Variants in BCL2L14 observed in about 807,000 individuals in gnomAD.
BCL2L14 encodes BCL2 like 14, also known as apoptosis facilitator Bcl-2-like protein 14.
Under a neutral mutation model 35.3 loss-of-function variants are expected in BCL2L14, and 27 were observed. That is an observed-to-expected ratio of 0.76 (90% CI 0.56 to 1.05). The LOEUF (loss-of-function observed/expected upper bound fraction) is 1.05. Ranked by LOEUF, BCL2L14 falls within the 50% of genes least tolerant of loss-of-function variation. BCL2L14 has a pLI of 0.00. For synonymous variants in BCL2L14, 139 were observed against 145.9 expected (o/e 0.95, Z 0.34); for missense variants, 377 against 382.6 (o/e 0.99, Z 0.12).
At chr12:12,087,829 A>T (rs1338487628) in intron 3 of BCL2L14, among the ~76,000 whole-genome samples, 3 of 152,228 alleles carry the variant, frequency 2.0e-5, no homozygotes, top group Non-Finnish European at 4.4e-5. Context: ...CTATGGTGCA[A>T]GACATGGAGC....
intron 2 of BCL2L14, among the ~76,000 whole-genome samples, chr12:12,058,605 TGCCC>T (rs1466863086): frequency 1.3e-5 from 2 of 151,604 alleles, no homozygotes; most frequent in Non-Finnish European, 2.9e-5. Flanking sequence ...CCCCCACTCC[TGCCC>T]GCCAGAGAAC....
At chr12:12,074,469 A>G (rs2430606) in intron 1 of BCL2L14, among the ~76,000 whole-genome samples, 150,270 of 152,148 alleles carry the variant, frequency 0.99, 74,236 homozygotes, top group East Asian at 1. Flanking sequence ...TTTTTGAGAC[A>G]GAGTCTGACT....
At chr12:12,085,482 C>G (rs1263672253) in intron 2 of BCL2L14, among the ~76,000 whole-genome samples, 1 of 152,202 alleles carries the variant, frequency 6.6e-6, no homozygotes, top group African/African-American at 2.4e-5. Context: ...AGTGGAAAGT[C>G]TGTTTCGCTT....
intron 2 of BCL2L14, among the ~76,000 whole-genome samples, chr12:12,084,289 C>T (rs1371459415): frequency 6.6e-6 from 1 of 152,204 alleles, no homozygotes; most frequent in African/African-American, 2.4e-5. Context: ...TTTCTTGAAA[C>T]TGCCCCCAGC....
Position 12,087,321 on chromosome 12 carries a change from T to C in BCL2L14, c.542T>C (p.Phe181Ser), listed in dbSNP as rs1258667224. The C allele has an allele frequency of 6.2e-7, 1 of 1,614,222 alleles. No homozygotes were observed. Among genetic ancestry groups the C allele is most frequent in the South Asian group, 1.1e-5 (1 of 91,082 alleles). Reference protein sequence around the residue: ...QAGGFKSKEIFVTEGLSFQLQ... With the variant: ...QAGGFKSKEISVTEGLSFQLQ... ...GGAGGCTTCAAGTCCAAAGAGATTT[T>C]TGTAACTGAGGGTCTCTCCTTCCAG... Residue 181 changes from phenylalanine (F) to serine (S), a missense_variant, in exon 3 of 6, where the codon TTT becomes TCT. Coordinates refer to ENST00000308721, the MANE Select transcript of BCL2L14 (RefSeq NM_138723.2).
intron 2 of BCL2L14, among the ~76,000 whole-genome samples, chr12:12,056,994 AATCATGACTCT>A (rs1218701871): frequency 6.6e-6 from 1 of 152,198 alleles, no homozygotes; most frequent in Non-Finnish European, 1.5e-5. Context: ...TTAAGGGGAA[AATCATGACTCT>A]CACATGATAT....
intron 2 of BCL2L14, among the ~76,000 whole-genome samples, chr12:12,083,453 T>C (rs1948972290): frequency 6.6e-6 from 1 of 152,216 alleles, no homozygotes; most frequent in African/African-American, 2.4e-5. Context: ...GCTCTTTCAC[T>C]TGTGAATCTT....
chr12:12,099,309 A>T lies in BCL2L14; in HGVS notation c.*321A>T, dbSNP rs1395000019. 2 of 325,454 alleles carry T rather than the reference A, an allele frequency of 6.1e-6. No individual in the cohort carries two copies. The highest frequency in any genetic ancestry group is 4.3e-5 in the African/African-American group (2 of 46,184). 20.2% of individuals were successfully genotyped at this position (325,454 alleles called of 1,614,324 possible). ...CCTGCCTTTGTTAGCTGCTGTAGGG[A>T]AAGTGCGTTACAGATGTCTGCTGAC... On this transcript the variant is annotated 3_prime_UTR_variant, in exon 6 of 6. Transcript: ENST00000308721.
At position 12,087,267 on chromosome 12, in the gene BCL2L14, C is replaced by T; in HGVS notation, c.488C>T (p.Ser163Phe). The change falls in exon 3 of 6, where the codon TCC becomes TTC. Residue 163 changes from serine to phenylalanine, a missense_variant. By Grantham distance (155) the Ser-to-Phe change is radical. Transcript: ENST00000308721. ...AACCGAGTAGCTGAAATTGTTTACT[C>T]CTGGCCACCACCACAAGCGACCCAG... ...IANRVAEIVY[S>F]WPPPQATQAG... 1 of 1,614,176 alleles carries T rather than the reference C, an allele frequency of 6.2e-7. No individual in the cohort carries two copies. The highest frequency in any genetic ancestry group is 8.5e-7 in the Non-Finnish European group (1 of 1,180,026).
In BCL2L14 at chr12:12,094,758, AC is replaced by A; in HGVS notation, c.777del (p.Arg260GlyfsTer16). 1.9e-6 allele frequency: 3 copies of A among 1,614,102 alleles called. No individual in the cohort carries two copies. The highest frequency in any genetic ancestry group is 2.5e-6 in the Non-Finnish European group (3 of 1,180,024). On this transcript the variant is annotated frameshift_variant, in exon 5 of 6. Coordinates refer to ENST00000308721, the MANE Select transcript of BCL2L14 (RefSeq NM_138723.2). LOFTEE classifies it high-confidence loss of function. ...TITDQVLMGV[D>X]PRGESEVKAQ... ...ACAGACCAGGTCCTAATGGGTGTGG[AC>A]CCCAGGGGAGAATCAGAGGTCAAAG...
In BCL2L14 at chr12:12,061,005, T is replaced by G. The variant is rs373369564; in HGVS notation, c.-272+9158T>G. 1.5e-3 allele frequency among the ~76,000 whole-genome samples: 151 copies of G among 102,686 alleles called. 6 individuals are homozygous for G. Among genetic ancestry groups the G allele is most frequent in the African/African-American group, 4.5e-3 (116 of 25,896 alleles). 67.4% of individuals were successfully genotyped at this position (102,686 alleles called of 152,430 possible). On this transcript the variant is annotated intron_variant, in intron 2 of 3. Coordinates refer to the BCL2L14 transcript ENST00000461264. ...ATTACCTTCTTTTCAAGGGCCTGTT[T>G]CCCTTGCCTCCATAACTGTTGTGGG...
chr12:12,075,674 C>T (rs1258442520), intron 1 of BCL2L14, among the ~76,000 whole-genome samples: 1 of 149,034 alleles, frequency 6.7e-6, no homozygotes, highest in East Asian at 2.0e-4. Flanking sequence ...AACTACCCGC[C>T]TTGGCCTCCC....
At chr12:12,068,706 G>T (rs1216974625), upstream of BCL2L14, among the ~76,000 whole-genome samples, 8 of 152,014 alleles carry the variant, frequency 5.3e-5, no homozygotes, top group Non-Finnish European at 1.0e-4. Flanking sequence ...ATCACAGCGT[G>T]AATCCCAAAA....
intron 2 of BCL2L14, among the ~76,000 whole-genome samples, chr12:12,085,937 A>C (rs1437657697): frequency 6.6e-6 from 1 of 152,116 alleles, no homozygotes; most frequent in Non-Finnish European, 1.5e-5. Flanking sequence ...TGAATTACCT[A>C]ATGTTAGTCT....
At chr12:12,074,295 G>GGGCTCTCTA (rs1948733359) in intron 1 of BCL2L14, among the ~76,000 whole-genome samples, 1 of 152,080 alleles carries the variant, frequency 6.6e-6, no homozygotes, top group Non-Finnish European at 1.5e-5. Context: ...TAGAGAGCCC[G>GGGCTCTCTA]GATAGCTCAG....
At chr12:12,077,074 C>G (rs1948796666) in intron 1 of BCL2L14, among the ~76,000 whole-genome samples, 1 of 152,154 alleles carries the variant, frequency 6.6e-6, no homozygotes, top group African/African-American at 2.4e-5. Context: ...TGTCCCATTT[C>G]TTTATCATTT....
intron 2 of BCL2L14, among the ~76,000 whole-genome samples, chr12:12,058,211 C>A (rs1948462153): frequency 6.6e-6 from 1 of 150,644 alleles, no homozygotes; most frequent in South Asian, 2.1e-4. Flanking sequence ...CTCGGCCTCC[C>A]AAAGTGCTGG....
Position 12,087,312 on chromosome 12 carries a change from AAG to A in BCL2L14, c.537_538del (p.Glu179AspfsTer5), listed in dbSNP as rs1431821991. 6.2e-7 allele frequency: 1 copy of A among 1,614,082 alleles called. No individual in the cohort carries two copies. The highest frequency in any genetic ancestry group is 8.5e-7 in the Non-Finnish European group (1 of 1,180,028). The stretch of plus-strand genomic sequence containing the variant: ...ACCCAGGCAGGAGGCTTCAAGTCCA[AAG>A]AGATTTTTGTAACTGAGGGTCTCTC... On this transcript the variant is annotated frameshift_variant, in exon 3 of 6. Transcript: ENST00000308721. LOFTEE classifies it high-confidence loss of function.
intron 3 of BCL2L14, among the ~76,000 whole-genome samples, chr12:12,090,454 A>T (rs1949157799): frequency 6.9e-6 from 1 of 144,398 alleles, no homozygotes; most frequent in African/African-American, 2.6e-5. Flanking sequence ...ACATGGTGAA[A>T]CCTGGGTTTC....
Sources: gnomAD v4.1 joint callset for allele counts (sites outside exome capture counted in the v4.1 genomes callset) on GRCh38, gnomAD v4.1.1 for gene constraint, MANE v1.5 for transcripts, NCBI Gene and HGNC (gene_info 2026-07-23, HGNC 2026-07-21) for gene names.